Variants in SLC22A23 observed in about 807,000 individuals in gnomAD.
SLC22A23 encodes the protein ion transporter protein.
SLC22A23 carries 26 observed loss-of-function variants against 61.0 expected under a neutral mutation model. That is an observed-to-expected ratio of 0.43 (90% CI 0.31 to 0.59). The LOEUF (loss-of-function observed/expected upper bound fraction) is 0.59, where lower values mean the gene tolerates loss of function less well. SLC22A23 is among the 20% of genes least tolerant of loss of function. The pLI, the probability that SLC22A23 is intolerant of heterozygous loss-of-function variation, is 0.11. For synonymous variants in SLC22A23, 430 were observed against 413.9 expected (o/e 1.04, Z -0.47); for missense variants, 796 against 934.7 (o/e 0.85, Z 1.94).
chr6:3,311,719 A>G (rs1291794398), intron 4 of SLC22A23: 4 of 152,230 alleles, frequency 2.6e-5, no homozygotes, highest in African/African-American at 9.6e-5. Context: ...TTCATAATTT[A>G]AATGACTATG....
chr6:3,352,039 C>T (rs923917550), intron 3 of SLC22A23, among the ~76,000 whole-genome samples: 4 of 152,120 alleles, frequency 2.6e-5, no homozygotes, highest in Non-Finnish European at 5.9e-5. Flanking sequence ...GGCGTCAAGG[C>T]GAAAGCACTC....
intron 7 of SLC22A23, among the ~76,000 whole-genome samples, 190 bp from the exon 8 acceptor site, chr6:3,285,301 C>G (rs546122157): frequency 3.3e-5 from 5 of 152,376 alleles, no homozygotes; most frequent in Admixed American, 6.5e-5. Flanking sequence ...AAACAAAGAT[C>G]TTTTTGTTAG....
At chr6:3,305,952 T>C (rs776306668) in intron 4 of SLC22A23, among the ~76,000 whole-genome samples, 5 of 152,202 alleles carry the variant, frequency 3.3e-5, no homozygotes, top group African/African-American at 4.8e-5. Flanking sequence ...TCTGTGTTGC[T>C]ATAAAGGAAC....
intron 1 of SLC22A23, among the ~76,000 whole-genome samples, chr6:3,418,301 A>G (rs1769873740): frequency 6.6e-6 from 1 of 152,218 alleles, no homozygotes; most frequent in Non-Finnish European, 1.5e-5. Context: ...TGATGAGTTT[A>G]CTTGAGGTTA....
At chr6:3,422,499 T>G (rs866797340) in intron 1 of SLC22A23, among the ~76,000 whole-genome samples, 2 of 152,186 alleles carry the variant, frequency 1.3e-5, no homozygotes, top group African/African-American at 4.8e-5. Context: ...TTGACAGATT[T>G]TTTTTCCCCT....
chr6:3,453,006 A>T (rs1332866251), intron 1 of SLC22A23, among the ~76,000 whole-genome samples: 1 of 152,194 alleles, frequency 6.6e-6, no homozygotes, highest in Non-Finnish European at 1.5e-5. Context: ...TGTCTAGTTT[A>T]AGCCTAATGA....
chr6:3,430,461 A>T (rs1317264394), intron 1 of SLC22A23, among the ~76,000 whole-genome samples: 2 of 152,000 alleles, frequency 1.3e-5, no homozygotes, highest in Non-Finnish European at 2.9e-5. Flanking sequence ...TTGTGCCACC[A>T]CCCAGTCCCC....
chr6:3,426,114 G>A (rs1770471453), intron 1 of SLC22A23, among the ~76,000 whole-genome samples: 1 of 152,184 alleles, frequency 6.6e-6, no homozygotes. Context: ...CATGATGGCT[G>A]TTTAAGATAC....
intron 4 of SLC22A23, among the ~76,000 whole-genome samples, chr6:3,307,502 C>T (rs750546964): frequency 2.1e-4 from 32 of 152,368 alleles, no homozygotes; most frequent in Admixed American, 7.8e-4. Context: ...ATACCAGTGC[C>T]TTTAGCCTTC....
At chr6:3,287,682 T>TTTTG (rs1554134155) in intron 6 of SLC22A23, among the ~76,000 whole-genome samples, 34 of 150,648 alleles carry the variant, frequency 2.3e-4, no homozygotes, top group African/African-American at 7.1e-4. Flanking sequence ...ACTGTTTTTT[T>TTTTG]TTTTGTTTTG....
chr6:3,332,274 G>T (rs1489544087), intron 3 of SLC22A23, among the ~76,000 whole-genome samples: 1 of 152,142 alleles, frequency 6.6e-6, no homozygotes, highest in Non-Finnish European at 1.5e-5. Context: ...CAAGCAATCA[G>T]GGAATCAGGG....
In SLC22A23 at chr6:3,287,105, C is replaced by T. The variant is rs1391569176; in HGVS notation, c.1314-14G>A. 6.2e-7 allele frequency: 1 copy of T among 1,612,620 alleles called. No homozygotes were observed. The highest frequency in any genetic ancestry group is 1.7e-5 in the Admixed American group (1 of 59,910). On this transcript the variant is annotated splice_polypyrimidine_tract_variant and intron_variant, in intron 6 of 9. Coordinates refer to ENST00000406686, the MANE Select transcript of SLC22A23 (RefSeq NM_015482.2). ...TACCCCGTCAGCCTGTGGAGACATA[C>T]CGAGCGGCAGTGGGTGGGCTGCCCC...
intron 3 of SLC22A23, among the ~76,000 whole-genome samples, chr6:3,405,492 A>G (rs987930303): frequency 1.3e-5 from 2 of 152,132 alleles, no homozygotes; most frequent in Non-Finnish European, 2.9e-5. Context: ...CCAAATGCAG[A>G]GCAAATGTTT....
chr6:3,441,148 A>C (rs1176555688), intron 1 of SLC22A23, among the ~76,000 whole-genome samples: 3 of 152,126 alleles, frequency 2.0e-5, no homozygotes, highest in Non-Finnish European at 4.4e-5. Context: ...GGCCTACCAC[A>C]GTTTTGTGAT....
Position 3,362,761 on chromosome 6 carries a change from A to G in SLC22A23, c.914-38759T>C, listed in dbSNP as rs373923858. Among the ~76,000 whole-genome samples, 1,239 of 151,782 alleles carry G rather than the reference A, an allele frequency of 8.2e-3. 14 individuals are homozygous for G. The highest frequency in any genetic ancestry group is 0.028 in the African/African-American group (1,159 of 41,048). On this transcript the variant is annotated intron_variant, in intron 3 of 9. Transcript: ENST00000406686. The stretch of plus-strand genomic sequence containing the variant: ...TCCATGGAGAAAGGCTGCAGGTCCC[A>G]GAAGCAGGTAGACCTCCAGGACCCA...
At chr6:3,431,789 T>C (rs1483094248) in intron 1 of SLC22A23, among the ~76,000 whole-genome samples, 4 of 152,144 alleles carry the variant, frequency 2.6e-5, no homozygotes, top group African/African-American at 9.7e-5. Context: ...TGTCCACAGC[T>C]CAGGTGGCCA....
chr6:3,381,314 T>C (rs969409129), intron 3 of SLC22A23, among the ~76,000 whole-genome samples: 7 of 151,124 alleles, frequency 4.6e-5, no homozygotes, highest in African/African-American at 1.7e-4. Flanking sequence ...CACAGCACTG[T>C]AGTACAGTGG....
Position 3,427,188 on chromosome 6 carries a change from A to G in SLC22A23, c.655-11333T>C, listed in dbSNP as rs1388021025. 6.6e-6 allele frequency among the ~76,000 whole-genome samples: 1 copy of G among 152,050 alleles called. No individual in the cohort carries two copies. The highest frequency in any genetic ancestry group is 1.9e-4 in the East Asian group (1 of 5,188). ...ACATCTATGACGTAGGAGTCGCAAA[A>G]CCTTCACCAGAGGGTTGTTACAAGA... On this transcript the variant is annotated intron_variant, in intron 1 of 9. Coordinates refer to ENST00000406686, the MANE Select transcript of SLC22A23 (RefSeq NM_015482.2). This position sits in a 1 kb window ranked among gnomAD's most constrained non-coding sequence, Gnocchi z 4.3.
At chr6:3,280,680 G>T (rs1006862431) in intron 9 of SLC22A23, among the ~76,000 whole-genome samples, 5 of 151,704 alleles carry the variant, frequency 3.3e-5, no homozygotes, top group Non-Finnish European at 5.9e-5. Flanking sequence ...TGTATTTTTA[G>T]TAGAGACGGG....
Sources: gnomAD v4.1 joint callset for allele counts (sites outside exome capture counted in the v4.1 genomes callset) on GRCh38, gnomAD v4.1.1 for gene constraint, Gnocchi (gnomAD v3.1) non-coding constraint, MANE v1.5 for transcripts, NCBI Gene and HGNC (gene_info 2026-07-23, HGNC 2026-07-21) for gene names.